Variants in RARB observed in about 807,000 individuals in gnomAD.
RARB encodes the protein retinoic acid receptor beta, also known as HBV-activated protein.
Under a neutral mutation model 51.9 loss-of-function variants are expected in RARB, and 17 were observed. That is an observed-to-expected ratio of 0.33 (90% CI 0.22 to 0.49). RARB has a LOEUF of 0.49. Ranked by LOEUF, RARB falls within the 20% of genes least tolerant of loss-of-function variation. The pLI is 0.99. For missense variants in RARB, 369 were observed against 550.8 expected (o/e 0.67, Z 3.30); for synonymous variants, 215 against 195.4 (o/e 1.10, Z -0.84).
intron 5 of RARB, among the ~76,000 whole-genome samples, chr3:25,350,829 GTCTC>G (rs761841251): frequency 6.6e-6 from 1 of 152,206 alleles, no homozygotes; most frequent in South Asian, 2.1e-4. Flanking sequence ...GCTGAGGTTT[GTCTC>G]TCTCTGTAGA....
chr3:25,084,517 C>T (rs183619713), intron 3 of RARB, among the ~76,000 whole-genome samples: 18 of 127,436 alleles, frequency 1.4e-4, no homozygotes, highest in Non-Finnish European at 1.6e-4. Flanking sequence ...ATCATCAATA[C>T]GTATTGGATT....
intron 3 of RARB, among the ~76,000 whole-genome samples, chr3:25,094,716 C>CAAAAAAAAAAAAAAAAAA (rs57477720): frequency 7.0e-5 from 3 of 43,106 alleles, no homozygotes; most frequent in Admixed American, 4.0e-4. Flanking sequence ...GACCCCATCT[C>CAAAAAAAAAAAAAAAAAA]AAAAAAAAAA....
intron 3 of RARB, among the ~76,000 whole-genome samples, chr3:25,548,400 A>G (rs1699708029): frequency 6.6e-6 from 1 of 151,996 alleles, no homozygotes; most frequent in Admixed American, 6.6e-5. Flanking sequence ...CATTTAATGT[A>G]CTCTATTCAA....
rs933006630 is a variant in RARB, at chr3:25,143,784, T to C, written c.-280+11576T>C. ...CCTTGGAGTTACGTGACTTGAAGCA[T>C]GTAGCTGAACTTCTTTGGGTCTCCA... On this transcript the variant is annotated intron_variant, in intron 4 of 11. Transcript: ENST00000383772. Among the ~76,000 whole-genome samples the C allele has an allele frequency of 5.7e-4, 86 of 152,200 alleles. 1 individual carries two copies. Among genetic ancestry groups the C allele is most frequent in the Admixed American group, 5.2e-3 (79 of 15,274 alleles).
intron 2 of RARB, among the ~76,000 whole-genome samples, chr3:24,927,493 A>C (rs1165070398): frequency 1.3e-5 from 2 of 152,108 alleles, no homozygotes; most frequent in African/African-American, 4.8e-5. Flanking sequence ...ATTGAGATTG[A>C]AAGCTCTATG....
chr3:24,993,963 C>T (rs1164948569), intron 2 of RARB, among the ~76,000 whole-genome samples: 1 of 152,094 alleles, frequency 6.6e-6, no homozygotes, highest in South Asian at 2.1e-4. Context: ...CTGCAGTAAA[C>T]ATGGGATTGC....
At chr3:24,970,574 A>AACACACACACACACACACAC (rs60292267) in intron 2 of RARB, among the ~76,000 whole-genome samples, 105 of 148,872 alleles carry the variant, frequency 7.1e-4, no homozygotes, top group East Asian at 3.6e-3. Flanking sequence ...AAGTCATGTA[A>AACACACACACACACACACAC]ACACACACAC....
intron 2 of RARB, among the ~76,000 whole-genome samples, chr3:25,478,611 C>T (rs757190909): frequency 2.0e-5 from 3 of 152,164 alleles, no homozygotes; most frequent in Admixed American, 6.5e-5. Flanking sequence ...GCTGTGAGTG[C>T]GTTCTGGCTT....
chr3:25,171,694 G>T (rs1700651401), intron 4 of RARB, among the ~76,000 whole-genome samples: 1 of 138,892 alleles, frequency 7.2e-6, no homozygotes, highest in Non-Finnish European at 1.5e-5. Context: ...GCCCTGCGGG[G>T]GTGGATTTGC....
chr3:25,221,374 G>A (rs1280566519), intron 5 of RARB, among the ~76,000 whole-genome samples: 2 of 152,168 alleles, frequency 1.3e-5, no homozygotes, highest in Non-Finnish European at 2.9e-5. Context: ...ACATAACACA[G>A]GTTTCATAAA....
chr3:25,576,700 C>T (rs953744890), intron 4 of RARB, among the ~76,000 whole-genome samples: 11 of 152,184 alleles, frequency 7.2e-5, no homozygotes, highest in Non-Finnish European at 2.9e-5. Flanking sequence ...TACCTGCCCT[C>T]TCCCATTGCC....
intron 2 of RARB, among the ~76,000 whole-genome samples, chr3:24,887,060 G>C (rs1418992141): frequency 6.6e-6 from 1 of 152,188 alleles, no homozygotes; most frequent in African/African-American, 2.4e-5. Context: ...TAATGCCATA[G>C]AGGCATGAAA....
At chr3:25,414,356 C>T (rs890008304) in intron 5 of RARB, among the ~76,000 whole-genome samples, 22 of 152,140 alleles carry the variant, frequency 1.4e-4, no homozygotes, top group African/African-American at 5.3e-4. Context: ...CAGTTTGGGG[C>T]TATTACTACA....
rs529249500 is a variant in RARB, at chr3:25,017,254, G to T, written c.-379-42871G>T. 3.1e-5 allele frequency among the ~76,000 whole-genome samples: 4 copies of T among 129,294 alleles called. 1 individual carries two copies. In the East Asian group the frequency reaches 8.8e-4, roughly 28 times the overall value. The allele number at this position is 129,294 out of a possible 152,430, so 84.8% of individuals were successfully genotyped here. On this transcript the variant is annotated intron_variant, in intron 2 of 11. Transcript: ENST00000383772. ...ACCTAAACCCCCAAATCTCTAAGAA[G>T]TGAACTCGATTGTGACTAATTTCTC...
intron 2 of RARB, among the ~76,000 whole-genome samples, chr3:24,890,059 A>T (rs966934787): frequency 6.6e-6 from 1 of 152,208 alleles, no homozygotes; most frequent in Non-Finnish European, 1.5e-5. Flanking sequence ...TCATTACCAG[A>T]TAAAAATATT....
chr3:25,348,308 A>G (rs1705457645), intron 5 of RARB, among the ~76,000 whole-genome samples: 1 of 152,052 alleles, frequency 6.6e-6, no homozygotes, highest in South Asian at 2.1e-4. Flanking sequence ...TTTAAATTTT[A>G]TTATCTTAAA....
At chr3:24,881,468 G>T (rs1703164849) in intron 2 of RARB, among the ~76,000 whole-genome samples, 1 of 152,124 alleles carries the variant, frequency 6.6e-6, no homozygotes, top group Non-Finnish European at 1.5e-5. Context: ...TGAAGGACAA[G>T]GGTTTCCAGG....
intron 2 of RARB, among the ~76,000 whole-genome samples, chr3:24,924,000 T>C (rs540814624): frequency 2.0e-5 from 3 of 152,284 alleles, no homozygotes; most frequent in Admixed American, 2.0e-4. Flanking sequence ...TGTGATCTAT[T>C]AAGGTTGTTT....
At chr3:25,395,302 C>T (rs1038223070) in intron 5 of RARB, among the ~76,000 whole-genome samples, 2 of 152,184 alleles carry the variant, frequency 1.3e-5, no homozygotes, top group Non-Finnish European at 2.9e-5. Context: ...CACAAGTTAC[C>T]TGACGCTTTT....
Sources: gnomAD v4.1 joint callset for allele counts (sites outside exome capture counted in the v4.1 genomes callset) on GRCh38, gnomAD v4.1.1 for gene constraint, MANE v1.5 for transcripts, NCBI Gene and HGNC (gene_info 2026-07-23, HGNC 2026-07-21) for gene names.